The following PPP1CC variants were observed in gnomAD, a reference collection of about 807,000 sequenced individuals.
PPP1CC encodes protein phosphatase 1 catalytic subunit gamma, also known as serine/threonine-protein phosphatase PP1-gamma catalytic subunit.
A neutral mutation model predicts 38.4 loss-of-function variants in PPP1CC; 16 were observed. The ratio of observed to expected loss-of-function variants is 0.42; its 90% confidence interval spans 0.28 to 0.63. The LOEUF (loss-of-function observed/expected upper bound fraction) is 0.63. Ranked by LOEUF, PPP1CC falls within the 30% of genes least tolerant of loss-of-function variation. The pLI is 0.25. For missense variants in PPP1CC, 170 were observed against 391.3 expected (o/e 0.43, Z 4.77); for synonymous variants, 158 against 136.0 (o/e 1.16, Z -1.13).
At position 110,721,230 on chromosome 12, in the gene PPP1CC, AT is replaced by A. The variant is rs2069735684; in HGVS notation, c.883-66del. On this transcript the variant is annotated intron_variant, in intron 6 of 6. Coordinates refer to ENST00000335007, the MANE Select transcript of PPP1CC (RefSeq NM_002710.4). ...AACCCCAAATCTTAAGAGTCCTTAA[AT>A]TTCATTCAGATCTTCTGTTCAGATG... 2.2e-6 allele frequency: 3 copies of A among 1,382,052 alleles called. No individual in the cohort carries two copies. In the African/African-American group the frequency reaches 4.3e-5, roughly 20 times the overall value. 85.6% of individuals were successfully genotyped at this position (1,382,052 alleles called of 1,614,324 possible). A position where few individuals can be genotyped will look rare whatever the true frequency, so the allele number is the denominator to read the frequency against.
chr12:110,711,318 G>C, the PPP1CC span, among the ~76,000 whole-genome samples: 2 of 150,736 alleles, frequency 1.3e-5, no homozygotes, highest in Non-Finnish European at 2.9e-5. Flanking sequence ...GGAGCCCGAG[G>C]CAGGAAGATC....
chr12:110,731,065 A>G (rs1166939821), intron 2 of PPP1CC, among the ~76,000 whole-genome samples: 1 of 152,204 alleles, frequency 6.6e-6, no homozygotes, highest in Non-Finnish European at 1.5e-5. Flanking sequence ...GTAACATGGT[A>G]TCCCTTTCAG....
chr12:110,709,995 A>G, the PPP1CC span, among the ~76,000 whole-genome samples: 10 of 149,884 alleles, frequency 6.7e-5, no homozygotes, highest in Admixed American at 6.7e-4. Context: ...AAAAAACCCA[A>G]TAGAACTTGA....
At chr12:110,729,364 T>C in intron 3 of PPP1CC, among the ~76,000 whole-genome samples, 1 of 152,078 alleles carries the variant, frequency 6.6e-6, no homozygotes, top group East Asian at 1.9e-4. Context: ...CTGGCTAATT[T>C]TTGTATTTTT....
chr12:110,714,998 C>T (rs1022705282), downstream of PPP1CC, among the ~76,000 whole-genome samples: 1 of 151,764 alleles, frequency 6.6e-6, no homozygotes, highest in African/African-American at 2.4e-5. Flanking sequence ...TCTGCCACAC[C>T]TACCTAACTT....
At position 110,731,813 on chromosome 12, in the gene PPP1CC, A is replaced by G. The variant is rs11558234; in HGVS notation, c.144T>C (p.Ser48=). 1 of 1,613,488 alleles carries G rather than the reference A, an allele frequency of 6.2e-7. No homozygotes were observed. Among genetic ancestry groups the G allele is most frequent in the Non-Finnish European group, 8.5e-7 (1 of 1,179,560 alleles). Residue 48 remains serine, a synonymous_variant, in exon 2 of 7, where the codon AGT becomes AGC. Coordinates refer to ENST00000335007, the MANE Select transcript of PPP1CC (RefSeq NM_002710.4). Reference sequence around the variant, plus strand: ...CTTCAAGTTCTAGTAGGATAGGCTGACTGAGAAAGATTTCACGAGACTTTA... The same window carrying G: ...CTTCAAGTTCTAGTAGGATAGGCTGGCTGAGAAAGATTTCACGAGACTTTA... The part of the protein sequence containing the change: ...LCLKSREIFL[S]QPILLELEAP...
In PPP1CC at chr12:110,722,500, T is replaced by A; in HGVS notation, c.719A>T (p.Asp240Val). 1 of 1,614,206 alleles carries A rather than the reference T, an allele frequency of 6.2e-7. No homozygotes were observed. Among genetic ancestry groups the A allele is most frequent in the South Asian group, 1.1e-5 (1 of 91,088 alleles). The change falls in exon 5 of 7, where the codon GAT becomes GTT. Residue 240 changes from aspartate (D) to valine (V), a missense_variant. Asp to Val is a radical substitution (Grantham distance 152, BLOSUM62 -3). This residue lies in a region of PPP1CC where 117 missense variants were observed against 344.4 expected (regional missense o/e 0.34). Coordinates refer to ENST00000335007, the MANE Select transcript of PPP1CC (RefSeq NM_002710.4). This position sits in a 1 kb window ranked among gnomAD's most constrained non-coding sequence, Gnocchi z 5.4. ...ATGGGCTCTACATATAAGATCCAAA[T>A]CATGCTTATGGAGAAATTTTGCAAC... ...EVVAKFLHKH[D>V]LDLICRAHQV...
At chr12:110,731,416 T>C (rs2069870769) in intron 2 of PPP1CC, among the ~76,000 whole-genome samples, 1 of 152,160 alleles carries the variant, frequency 6.6e-6, no homozygotes, top group Non-Finnish European at 1.5e-5. Context: ...AAAATCAGTA[T>C]CAAGGAAGTT....
At chr12:110,726,027 A>T (rs920099012) in intron 3 of PPP1CC, 2 of 152,534 alleles carry the variant, frequency 1.3e-5, no homozygotes, top group African/African-American at 2.4e-5. Flanking sequence ...GTGCCATTGC[A>T]CTCCGGCTTG....
chr12:110,737,497 A>AAAAAAAAAAAG (rs2069959460), intron 1 of PPP1CC, among the ~76,000 whole-genome samples: 2 of 147,532 alleles, frequency 1.4e-5, no homozygotes, highest in African/African-American at 5.2e-5. Context: ...AAAAAAAAAA[A>AAAAAAAAAAAG]AAAAGAAAAG....
chr12:110,735,748 C>T (rs921763370), intron 1 of PPP1CC, among the ~76,000 whole-genome samples: 2 of 150,616 alleles, frequency 1.3e-5, no homozygotes, highest in African/African-American at 4.9e-5. Flanking sequence ...TGCCACTGCA[C>T]TCCATCCTGG....
chr12:110,730,780 A>G, intron 2 of PPP1CC, 21 bp from the exon 3 acceptor site: 2 of 1,532,114 alleles, frequency 1.3e-6, no homozygotes, highest in Non-Finnish European at 1.8e-6. Flanking sequence ...GAATTTTGTT[A>G]CACAGTGTTC....
intron 1 of PPP1CC, among the ~76,000 whole-genome samples, chr12:110,737,137 C>T (rs371700405): frequency 4.6e-5 from 7 of 152,236 alleles, no homozygotes; most frequent in East Asian, 3.9e-4. Context: ...TTCCCATAAA[C>T]GACTGAGTTC....
At chr12:110,714,584 A>G in the PPP1CC span, among the ~76,000 whole-genome samples, 10 of 152,024 alleles carry the variant, frequency 6.6e-5, no homozygotes, top group African/African-American at 2.2e-4. Context: ...AGGCAGGCGA[A>G]TCACTTGAGG....
At chr12:110,718,186 A>C (rs1033897710), downstream of PPP1CC, among the ~76,000 whole-genome samples, 1 of 152,184 alleles carries the variant, frequency 6.6e-6, no homozygotes, top group Non-Finnish European at 1.5e-5. Context: ...AACAAGGGTT[A>C]TATGTGAGCA....
chr12:110,728,371 C>A lies in PPP1CC; in HGVS notation c.418+2158G>T, dbSNP rs542016510. Among the ~76,000 whole-genome samples, 13 of 146,786 alleles carry A rather than the reference C, an allele frequency of 8.9e-5. No homozygotes were observed. The East Asian group carries it at 2.4e-3, about 27-fold the overall frequency. Reference sequence around the variant, plus strand: ...GCGAGATCGCGCCCTGCACTCCAGCCTGGGCGACAGAGCGAGACTCCGTCT... The same window carrying A: ...GCGAGATCGCGCCCTGCACTCCAGCATGGGCGACAGAGCGAGACTCCGTCT... On this transcript the variant is annotated intron_variant, in intron 3 of 6. Coordinates refer to ENST00000335007, the MANE Select transcript of PPP1CC (RefSeq NM_002710.4).
At chr12:110,713,361 G>A in the PPP1CC span, among the ~76,000 whole-genome samples, 4 of 151,980 alleles carry the variant, frequency 2.6e-5, no homozygotes, top group Non-Finnish European at 5.9e-5. Flanking sequence ...TTGAACTCTC[G>A]AGCTCAGGCA....
chr12:110,716,064 C>T (rs1486457563), downstream of PPP1CC, among the ~76,000 whole-genome samples: 1 of 151,948 alleles, frequency 6.6e-6, no homozygotes, highest in East Asian at 1.9e-4. Context: ...TTGGTTGTTC[C>T]ATCCCAATAG....
In PPP1CC at chr12:110,719,952, G is replaced by A; in HGVS notation, c.*1124C>T. ...AAGTCTGAATTCATTTTCACCACAC[G>A]GTATTGTACACGGTCATCTGTTGAA... On this transcript the variant is annotated 3_prime_UTR_variant, in exon 7 of 7. Transcript: ENST00000335007. 2 of 544,112 alleles carry A rather than the reference G, an allele frequency of 3.7e-6. No homozygotes were observed. Among genetic ancestry groups the A allele is most frequent in the Non-Finnish European group, 3.2e-6 (1 of 310,474 alleles). 33.7% of individuals were successfully genotyped at this position (544,112 alleles called of 1,614,324 possible).
Sources: gnomAD v4.1 joint callset for allele counts (sites outside exome capture counted in the v4.1 genomes callset) on GRCh38, gnomAD v4.1.1 for gene constraint, gnomAD v4.1.1 regional missense constraint, Gnocchi (gnomAD v3.1) non-coding constraint, MANE v1.5 for transcripts, NCBI Gene and HGNC (gene_info 2026-07-23, HGNC 2026-07-21) for gene names.